Variants in MLLT10 observed in about 807,000 individuals in gnomAD.
The protein encoded by MLLT10 is protein AF-10.
A neutral mutation model predicts 129.1 loss-of-function variants in MLLT10; 30 were observed. The observed-to-expected ratio is 0.23, with a 90% CI of 0.17 to 0.32. The LOEUF is 0.32. Among genes scored for constraint, MLLT10 ranks in the 10% least tolerant of loss-of-function variants. MLLT10 has a pLI of 1.00. For synonymous variants in MLLT10, 490 were observed against 446.4 expected (o/e 1.10, Z -1.23); for missense variants, 1,119 against 1,268.3 (o/e 0.88, Z 1.79).
intron 14 of MLLT10, among the ~76,000 whole-genome samples, chr10:21,725,811 C>T (rs950093550): frequency 2.1e-5 from 3 of 142,936 alleles, no homozygotes; most frequent in African/African-American, 7.8e-5. Flanking sequence ...AGTGCAGTGG[C>T]GTGATCTCCT....
At chr10:21,574,468 GA>G (rs1454767094) in intron 3 of MLLT10, among the ~76,000 whole-genome samples, 1 of 152,164 alleles carries the variant, frequency 6.6e-6, no homozygotes, top group African/African-American at 2.4e-5. Flanking sequence ...TCTTGTGCAA[GA>G]AAAAATTTGA....
chr10:21,670,816 T>G, intron 10 of MLLT10, 112 bp downstream of exon 10: 1 of 1,204,192 alleles, frequency 8.3e-7, no homozygotes, highest in Non-Finnish European at 1.1e-6. Context: ...TGTTCTAGAT[T>G]ATTATATGAT....
At chr10:21,733,430 A>C (rs745531672) in intron 18 of MLLT10, 74 bp from the exon 19 acceptor site, 7 of 954,236 alleles carry the variant, frequency 7.3e-6, no homozygotes, top group Non-Finnish European at 1.0e-5. Flanking sequence ...TAAGCTTTTT[A>C]ATAAGCCTTT....
chr10:21,588,458 G>A (rs1321552845), intron 4 of MLLT10, among the ~76,000 whole-genome samples: 1 of 151,958 alleles, frequency 6.6e-6, no homozygotes, highest in East Asian at 1.9e-4. Context: ...TGCACTTTCT[G>A]ATCTTCTACT....
intron 3 of MLLT10, among the ~76,000 whole-genome samples, chr10:21,543,027 C>T (rs978348950): frequency 2.0e-5 from 3 of 151,148 alleles, no homozygotes; most frequent in Non-Finnish European, 2.9e-5. Context: ...GGCGCGATCT[C>T]GGCTCACTGC....
intron 3 of MLLT10, among the ~76,000 whole-genome samples, chr10:21,545,228 CAG>C (rs1289811663): frequency 1.3e-5 from 2 of 149,374 alleles, no homozygotes; most frequent in Non-Finnish European, 1.5e-5. Context: ...AGAGGGAAAA[CAG>C]GGAACCACAT....
intron 3 of MLLT10, among the ~76,000 whole-genome samples, chr10:21,577,635 C>A (rs530218508): frequency 3.0e-4 from 46 of 151,926 alleles, no homozygotes; most frequent in Admixed American, 1.3e-3. Context: ...TCATGCCGGG[C>A]TAATTTTTGT....
At chr10:21,614,594 G>A (rs1272906609) in intron 6 of MLLT10, among the ~76,000 whole-genome samples, 2 of 152,150 alleles carry the variant, frequency 1.3e-5, no homozygotes, top group African/African-American at 4.8e-5. Flanking sequence ...ATCCTAATAT[G>A]AGATGTGTGA....
chr10:21,667,533 T>C (rs1274375937), intron 9 of MLLT10, among the ~76,000 whole-genome samples: 1 of 152,068 alleles, frequency 6.6e-6, no homozygotes, highest in Non-Finnish European at 1.5e-5. Flanking sequence ...TTTTTTTTAA[T>C]GTACTCATTC....
intron 5 of MLLT10, among the ~76,000 whole-genome samples, chr10:21,602,477 A>T (rs182801866): frequency 6.6e-6 from 1 of 152,256 alleles, no homozygotes; most frequent in Non-Finnish European, 1.5e-5. Flanking sequence ...TGTATATACC[A>T]CCTCTTCCCC....
intron 8 of MLLT10, among the ~76,000 whole-genome samples, chr10:21,619,785 ATGCT>A (rs893573201): frequency 1.3e-5 from 2 of 152,194 alleles, no homozygotes; most frequent in African/African-American, 4.8e-5. Context: ...ATTATTAGAC[ATGCT>A]TGCTTGGCTT....
chr10:21,542,682 A>G (rs1463050009), intron 3 of MLLT10, among the ~76,000 whole-genome samples: 1 of 152,208 alleles, frequency 6.6e-6, no homozygotes, highest in Non-Finnish European at 1.5e-5. Flanking sequence ...TCAGGCCACA[A>G]GTTGGAGATC....
intron 3 of MLLT10, among the ~76,000 whole-genome samples, chr10:21,553,304 A>G: frequency 6.6e-6 from 1 of 151,788 alleles, no homozygotes; most frequent in Non-Finnish European, 1.5e-5. Flanking sequence ...TGTTACTGTT[A>G]GCAAGTCCAA....
At chr10:21,617,394 C>T (rs908670278) in intron 8 of MLLT10, among the ~76,000 whole-genome samples, 187 bp downstream of exon 8, 7 of 152,042 alleles carry the variant, frequency 4.6e-5, no homozygotes, top group Non-Finnish European at 8.8e-5. Context: ...TGGTTTTACC[C>T]ATTGCAACTG....
intron 3 of MLLT10, among the ~76,000 whole-genome samples, chr10:21,562,769 G>A (rs1209136150): frequency 6.8e-6 from 1 of 148,046 alleles, no homozygotes; most frequent in Non-Finnish European, 1.5e-5. Context: ...TTCTGTGTAC[G>A]AATCTTGCGT....
chr10:21,687,544 T>C (rs972389117), intron 13 of MLLT10, among the ~76,000 whole-genome samples: 21 of 152,316 alleles, frequency 1.4e-4, no homozygotes, highest in Non-Finnish European at 2.9e-4. Context: ...TTTCTTCTTA[T>C]GAGTTAGTGT....
intron 13 of MLLT10, among the ~76,000 whole-genome samples, chr10:21,686,530 T>A (rs887531996): frequency 5.3e-5 from 8 of 152,314 alleles, no homozygotes; most frequent in African/African-American, 1.9e-4. Flanking sequence ...GTATCAATAT[T>A]ATTCTTAATT....
At chr10:21,556,513 G>A (rs1162848469) in intron 3 of MLLT10, 3 of 641,714 alleles carry the variant, frequency 4.7e-6, no homozygotes, top group African/African-American at 3.7e-5. Context: ...GCTGCTCCTG[G>A]TGTCTCTGAG....
intron 3 of MLLT10, among the ~76,000 whole-genome samples, chr10:21,560,207 G>A (rs1405536007): frequency 6.6e-6 from 1 of 152,150 alleles, no homozygotes; most frequent in Non-Finnish European, 1.5e-5. Context: ...GTTTCTCCAT[G>A]TTGGTCAGGC....
Sources: allele counts gnomAD v4.1 joint callset (sites outside exome capture counted in the v4.1 genomes callset), GRCh38; gene constraint gnomAD v4.1.1; transcripts MANE v1.5; gene names NCBI Gene and HGNC (gene_info 2026-07-23, HGNC 2026-07-21).